The following PLB1 variants were observed in gnomAD, a reference collection of about 807,000 sequenced individuals.
PLB1 encodes the protein phospholipase B1, membrane-associated.
A neutral mutation model predicts 227.4 loss-of-function variants in PLB1; 242 were observed. The observed-to-expected ratio is 1.06, with a 90% CI of 0.96 to 1.18. PLB1 has a LOEUF of 1.18. Ranked by LOEUF, PLB1 falls within the 50% of genes most tolerant of loss-of-function variation. PLB1 has a pLI of 0.00. For missense variants in PLB1, 1,858 were observed against 1,816.3 expected (o/e 1.02, Z -0.42); for synonymous variants, 757 against 682.2 (o/e 1.11, Z -1.71).
At chr2:28,620,450 C>A in intron 47 of PLB1, 118 bp downstream of exon 47, 1 of 1,347,800 alleles carries the variant, frequency 7.4e-7, no homozygotes, top group South Asian at 1.4e-5. Context: ...AGCGCTGAGA[C>A]AGGAGACTCA....
At chr2:28,617,922 G>A (rs369093874) in intron 45 of PLB1, 135 bp downstream of exon 45, 157 of 873,248 alleles carry the variant, frequency 1.8e-4, no homozygotes, top group Admixed American at 5.2e-4. Flanking sequence ...TAGATCCTGC[G>A]GCCTGCCGCC....
At chr2:28,530,032 T>C (rs952813425) in intron 8 of PLB1, among the ~76,000 whole-genome samples, 1 of 152,214 alleles carries the variant, frequency 6.6e-6, no homozygotes. Flanking sequence ...CTAATTTTTA[T>C]ATTTTTGGTA....
intron 18 of PLB1, among the ~76,000 whole-genome samples, chr2:28,564,532 C>G (rs901954007): frequency 6.6e-6 from 1 of 152,202 alleles, no homozygotes; most frequent in African/African-American, 2.4e-5. Context: ...GCTCCCAATT[C>G]CCTGGTCTCC....
intron 50 of PLB1, 69 bp downstream of exon 50, chr2:28,625,177 C>A: frequency 7.1e-7 from 1 of 1,414,408 alleles, no homozygotes; most frequent in Non-Finnish European, 1.0e-6. Flanking sequence ...GGGACAGCCC[C>A]ATAAGGGTCC....
At chr2:28,627,909 G>A (rs528096040) in intron 51 of PLB1, among the ~76,000 whole-genome samples, 1 of 152,046 alleles carries the variant, frequency 6.6e-6, no homozygotes, top group Non-Finnish European at 1.5e-5. Flanking sequence ...ACACCTTCTG[G>A]GCCTGTAGCC....
rs559020892 is a variant in PLB1 at position 28,571,147 on chromosome 2, A to G, written c.1325-2050A>G. On this transcript the variant is annotated intron_variant, in intron 20 of 57. Transcript: ENST00000327757. ...TTCAGTGATTGCAAGGTACAAATCA[A>G]TATACAAAAATCAATTATAATTCTT... is the stretch of plus-strand genomic sequence containing the variant. 1.9e-4 allele frequency among the ~76,000 whole-genome samples: 29 copies of G among 152,378 alleles called. No individual in the cohort carries two copies. The South Asian group carries it at 5.2e-3, about 27-fold the overall frequency.
intron 21 of PLB1, 66 bp downstream of exon 21, chr2:28,573,371 TA>T (rs1019725086): frequency 9.7e-6 from 12 of 1,241,156 alleles, no homozygotes; most frequent in Non-Finnish European, 1.4e-5. Flanking sequence ...GGGCTTGGCC[TA>T]AACTGGGTTT....
chr2:28,530,168 A>G (rs539524181), intron 8 of PLB1, among the ~76,000 whole-genome samples: 1 of 152,286 alleles, frequency 6.6e-6, no homozygotes, highest in Admixed American at 6.5e-5. Context: ...AAAAGGACCC[A>G]TCCTCTTCAG....
intron 20 of PLB1, among the ~76,000 whole-genome samples, chr2:28,567,774 T>C (rs1233627068): frequency 6.6e-6 from 1 of 152,198 alleles, no homozygotes; most frequent in Non-Finnish European, 1.5e-5. Flanking sequence ...TAAAGTCTGA[T>C]TATATTCCTT....
intron 26 of PLB1, among the ~76,000 whole-genome samples, chr2:28,588,327 G>A (rs1256742387): frequency 6.6e-6 from 1 of 152,202 alleles, no homozygotes; most frequent in Non-Finnish European, 1.5e-5. Context: ...TAAAAGGGAA[G>A]CAGCATGCTG....
chr2:28,576,910 GC>G (rs1466749050), intron 21 of PLB1, among the ~76,000 whole-genome samples: 1 of 152,162 alleles, frequency 6.6e-6, no homozygotes, highest in African/African-American at 2.4e-5. Context: ...CTCACATCAG[GC>G]CAGTAGGGCT....
Position 28,604,735 on chromosome 2 carries a change from G to A in PLB1, c.2937G>A (p.Gln979=). ...DFSVVLQPFF[Q]NIQLPVLADG... ...CTGTGGTGCTGCAGCCCTTCTTCCAGAACATCCAGCTCCCTGTCCTGGCGG... is the reference window on the plus strand; with the variant it reads ...CTGTGGTGCTGCAGCCCTTCTTCCAAAACATCCAGCTCCCTGTCCTGGCGG... Residue 979 remains glutamine, a synonymous_variant, in exon 41 of 58, where the codon CAG becomes CAA. Transcript: ENST00000327757. The A allele has an allele frequency of 1.2e-6, 2 of 1,614,190 alleles. No homozygotes were observed. The highest frequency in any genetic ancestry group is 1.7e-6 in the Non-Finnish European group (2 of 1,179,998).
Position 28,604,687 on chromosome 2 carries a change from C to T in PLB1, c.2889C>T (p.Arg963=), listed in dbSNP as rs975421618. The T allele has an allele frequency of 6.2e-7, 1 of 1,614,158 alleles. No homozygotes were observed. The highest frequency in any genetic ancestry group is 1.1e-5 in the South Asian group (1 of 91,080). ...SSMRELVGSG[R]YDTQEDFSVV... is the part of the protein sequence containing the mutation. ...TGCGCGAGCTGGTGGGGTCAGGCCG[C>T]TATGACACGCAGGAGGACTTCTCTG... The change falls in exon 41 of 58, where the codon CGC becomes CGT. Residue 963 remains arginine, a synonymous_variant. Transcript: ENST00000327757.
intron 1 of PLB1, among the ~76,000 whole-genome samples, chr2:28,510,423 C>T (rs72860568): frequency 0.063 from 9,594 of 152,098 alleles, 976 homozygotes; most frequent in African/African-American, 0.22. Context: ...CAAGGGGCAG[C>T]TTGCTTCCAC....
At chr2:28,582,228 C>T (rs926665228) in intron 24 of PLB1, 95 bp downstream of exon 24, 6 of 1,430,010 alleles carry the variant, frequency 4.2e-6, no homozygotes, top group South Asian at 3.5e-5. Flanking sequence ...GGCAGGTCAC[C>T]TTTGTTGTGG....
intron 20 of PLB1, 86 bp downstream of exon 20, chr2:28,566,925 G>A: frequency 6.6e-7 from 1 of 1,505,806 alleles, no homozygotes; most frequent in East Asian, 2.3e-5. Flanking sequence ...GCGGGCCTCG[G>A]GAGGAGCCCC....
Position 28,626,309 on chromosome 2 carries a change from TTC to T in PLB1, c.3580-115_3580-114del. On this transcript the variant is annotated intron_variant, in intron 50 of 57. Coordinates refer to ENST00000327757, the MANE Select transcript of PLB1 (RefSeq NM_153021.5). ...CCGTGCCTGGCCCAATTTGCTGCTT[TTC>T]TCTGTTACAGTATAAATAAGACAAA... is the stretch of plus-strand genomic sequence containing the variant. The T allele has an allele frequency of 1.0e-5, 8 of 776,816 alleles. No individual in the cohort carries two copies. The South Asian group carries it at 1.3e-4, about 13-fold the overall frequency. 48.1% of individuals were successfully genotyped at this position (776,816 alleles called of 1,614,324 possible).
intron 17 of PLB1, among the ~76,000 whole-genome samples, chr2:28,562,612 T>C (rs1017339854): frequency 2.7e-5 from 4 of 150,168 alleles, no homozygotes; most frequent in African/African-American, 9.8e-5. Flanking sequence ...GAACTGATTT[T>C]TATAGGATGA....
intron 20 of PLB1, among the ~76,000 whole-genome samples, 190 bp downstream of exon 20, chr2:28,567,029 G>C (rs1478680701): frequency 2.0e-5 from 3 of 151,810 alleles, no homozygotes; most frequent in Non-Finnish European, 2.9e-5. Context: ...CTTAGAGTTG[G>C]GGGTGGAACG....
Sources: gnomAD v4.1 joint callset for allele counts (sites outside exome capture counted in the v4.1 genomes callset) on GRCh38, gnomAD v4.1.1 for gene constraint, MANE v1.5 for transcripts, NCBI Gene and HGNC (gene_info 2026-07-23, HGNC 2026-07-21) for gene names.